AGBL4: variants seen among roughly 807,000 people sequenced by gnomAD.
AGBL4 encodes the protein cytosolic carboxypeptidase 6.
Under a neutral mutation model 66.4 loss-of-function variants are expected in AGBL4, and 58 were observed. The ratio of observed to expected loss-of-function variants is 0.87; its 90% CI spans 0.71 to 1.09. The LOEUF (loss-of-function observed/expected upper bound fraction) is 1.09. Among genes scored for constraint, AGBL4 ranks in the 50% least tolerant of loss-of-function variants. AGBL4 has a pLI of 0.00. For synonymous variants in AGBL4, 234 were observed against 222.9 expected (o/e 1.05, Z -0.44); for missense variants, 579 against 631.0 (o/e 0.92, Z 0.88).
At chr1:50,014,031 T>C (rs1020006905) in intron 1 of AGBL4, among the ~76,000 whole-genome samples, 5 of 152,152 alleles carry the variant, frequency 3.3e-5, no homozygotes, top group Non-Finnish European at 5.9e-5. Context: ...TCAAAATCCA[T>C]GCCCTATTTA....
chr1:49,092,584 G>A (rs1367784713), intron 4 of AGBL4, among the ~76,000 whole-genome samples: 2 of 152,132 alleles, frequency 1.3e-5, no homozygotes, highest in Non-Finnish European at 2.9e-5. Context: ...ATCTAGACTA[G>A]TACCTGTGCA....
At chr1:49,634,176 T>A (rs1346694370) in intron 3 of AGBL4, among the ~76,000 whole-genome samples, 1 of 152,084 alleles carries the variant, frequency 6.6e-6, no homozygotes. Flanking sequence ...CAAACCATCA[T>A]CTACATTAGA....
chr1:49,947,410 G>A (rs1005658021), intron 1 of AGBL4, among the ~76,000 whole-genome samples: 4 of 151,772 alleles, frequency 2.6e-5, no homozygotes, highest in Non-Finnish European at 4.4e-5. Context: ...CAATAAATGT[G>A]ATACACCACA....
intron 5 of AGBL4, among the ~76,000 whole-genome samples, chr1:49,017,227 T>A (rs936018994): frequency 1.3e-5 from 2 of 152,166 alleles, no homozygotes; most frequent in African/African-American, 4.8e-5. Context: ...AATTAGAGCA[T>A]CCTTTTAAAC....
chr1:49,920,748 C>T (rs890996006), intron 1 of AGBL4, among the ~76,000 whole-genome samples: 2 of 152,112 alleles, frequency 1.3e-5, no homozygotes, highest in South Asian at 2.1e-4. Context: ...TGGGTATATA[C>T]CCAAAGGACT....
At chr1:49,593,942 T>C (rs1644802699) in intron 3 of AGBL4, among the ~76,000 whole-genome samples, 1 of 152,184 alleles carries the variant, frequency 6.6e-6, no homozygotes, top group African/African-American at 2.4e-5. Flanking sequence ...CACATACTTG[T>C]ATATGAATAT....
At chr1:49,853,141 T>C (rs897557797) in intron 1 of AGBL4, among the ~76,000 whole-genome samples, 3 of 152,176 alleles carry the variant, frequency 2.0e-5, no homozygotes, top group Admixed American at 1.3e-4. Flanking sequence ...TGTCTAGGGA[T>C]AAAATGATAC....
chr1:49,379,408 C>T (rs1034581125), intron 3 of AGBL4, among the ~76,000 whole-genome samples: 1 of 152,054 alleles, frequency 6.6e-6, no homozygotes, highest in African/African-American at 2.4e-5. Flanking sequence ...GAATCCATGC[C>T]CGTTTTGGCT....
intron 5 of AGBL4, among the ~76,000 whole-genome samples, chr1:48,938,402 C>A (rs749303322): frequency 8.5e-5 from 13 of 152,074 alleles, no homozygotes; most frequent in Non-Finnish European, 1.5e-4. Flanking sequence ...TGTAATTATA[C>A]ATTGTAATAA....
chr1:49,208,914 C>T (rs1648459357), intron 4 of AGBL4, among the ~76,000 whole-genome samples: 1 of 151,974 alleles, frequency 6.6e-6, no homozygotes, highest in Non-Finnish European at 1.5e-5. Flanking sequence ...CAACACACCA[C>T]CCAAACCTGA....
intron 5 of AGBL4, among the ~76,000 whole-genome samples, chr1:48,995,313 G>A (rs1660918613): frequency 6.6e-6 from 1 of 152,156 alleles, no homozygotes; most frequent in Non-Finnish European, 1.5e-5. Context: ...AAATTATACT[G>A]TGTGGTCACC....
At chr1:48,563,319 C>T (rs1480323076) in intron 11 of AGBL4, among the ~76,000 whole-genome samples, 1 of 152,210 alleles carries the variant, frequency 6.6e-6, no homozygotes, top group Admixed American at 6.5e-5. Flanking sequence ...CAACCCATCT[C>T]TTGCTAATGA....
At chr1:48,702,545 G>A (rs1646818554) in intron 6 of AGBL4, among the ~76,000 whole-genome samples, 1 of 152,004 alleles carries the variant, frequency 6.6e-6, no homozygotes, top group Admixed American at 6.6e-5. Flanking sequence ...AACCGCCTTG[G>A]CCTCCCAAGC....
chr1:50,022,008 T>C lies in AGBL4; in HGVS notation c.34+1755A>G, dbSNP rs181103400. Among the ~76,000 whole-genome samples, 1,245 of 152,322 alleles carry C rather than the reference T, an allele frequency of 8.2e-3. 13 individuals are homozygous for C. The highest frequency in any genetic ancestry group is 0.01 in the Admixed American group (159 of 15,306). On this transcript the variant is annotated intron_variant, in intron 1 of 13. Coordinates refer to ENST00000371839, the MANE Select transcript of AGBL4 (RefSeq NM_032785.4). The stretch of plus-strand genomic sequence containing the variant: ...ACAGCATAACATGTTTCCACCTGCT[T>C]GGGTTCTTTGCACATGGTTTTCCTG...
intron 3 of AGBL4, among the ~76,000 whole-genome samples, chr1:49,506,228 GATATA>G (rs1393357634): frequency 1.3e-5 from 2 of 151,924 alleles, no homozygotes; most frequent in East Asian, 3.9e-4. Context: ...TTTAGGTACT[GATATA>G]ACAAGAAAGA....
chr1:48,706,834 C>A (rs1281278038), intron 6 of AGBL4, among the ~76,000 whole-genome samples: 2 of 152,176 alleles, frequency 1.3e-5, no homozygotes, highest in African/African-American at 4.8e-5. Flanking sequence ...GATATGGTAT[C>A]CAAGCTGTCT....
chr1:49,183,549 T>C (rs563991937), intron 4 of AGBL4, among the ~76,000 whole-genome samples: 1 of 152,274 alleles, frequency 6.6e-6, no homozygotes, highest in South Asian at 2.1e-4. Context: ...CTGATCATGC[T>C]GCCTCTCCAC....
chr1:48,528,125 T>C (rs1292382689), downstream of AGBL4, among the ~76,000 whole-genome samples: 2 of 152,132 alleles, frequency 1.3e-5, no homozygotes, highest in Admixed American at 6.5e-5. Context: ...AGTAAACTGC[T>C]CTAAATGATT....
chr1:48,957,988 C>T (rs1657626638), intron 5 of AGBL4, among the ~76,000 whole-genome samples: 1 of 151,844 alleles, frequency 6.6e-6, no homozygotes, highest in Admixed American at 6.6e-5. Context: ...CTTCTGCAGG[C>T]TTGTTTTTTT....
Sources: gnomAD v4.1 joint callset for allele counts (sites outside exome capture counted in the v4.1 genomes callset) on GRCh38, gnomAD v4.1.1 for gene constraint, MANE v1.5 for transcripts, NCBI Gene and HGNC (gene_info 2026-07-23, HGNC 2026-07-21) for gene names.